Variants in SEPTIN10 observed in about 807,000 individuals in gnomAD.
SEPTIN10 encodes the protein septin 10.
A neutral mutation model predicts 54.8 loss-of-function variants in SEPTIN10; 66 were observed. The observed-to-expected ratio is 1.21, with a 90% CI of 0.99 to 1.48. The LOEUF (loss-of-function observed/expected upper bound fraction) is 1.48. Ranked by LOEUF, SEPTIN10 falls within the 40% of genes most tolerant of loss-of-function variation. SEPTIN10 has a pLI of 0.00. For missense variants in SEPTIN10, 620 were observed against 545.6 expected (o/e 1.14, Z -1.36); for synonymous variants, 161 against 181.0 (o/e 0.89, Z 0.89).
intron 8 of SEPTIN10, among the ~76,000 whole-genome samples, chr2:109,554,524 C>G (rs1260696534): frequency 2.0e-5 from 3 of 152,264 alleles, no homozygotes; most frequent in East Asian, 1.9e-4. Flanking sequence ...ACACCACCCC[C>G]ACCCAACTCA....
chr2:109,588,648 G>A (rs763525289), intron 2 of SEPTIN10, among the ~76,000 whole-genome samples: 24 of 151,888 alleles, frequency 1.6e-4, no homozygotes, highest in Non-Finnish European at 2.5e-4. Flanking sequence ...CGCCCACCAC[G>A]CCTGGCTAAT....
intron 6 of SEPTIN10, among the ~76,000 whole-genome samples, chr2:109,566,188 T>G (rs1163780121): frequency 2.0e-5 from 3 of 152,128 alleles, no homozygotes; most frequent in Non-Finnish European, 2.9e-5. Context: ...TGACACGATC[T>G]CATCTCACTG....
chr2:109,613,409 G>A (rs539414830), intron 1 of SEPTIN10: 4 of 324,776 alleles, frequency 1.2e-5, no homozygotes, highest in Non-Finnish European at 2.5e-5. Flanking sequence ...AGGGAGGCTC[G>A]GAAGTGCTCA....
At position 109,608,066 on chromosome 2, in the gene SEPTIN10, A is replaced by AT. The variant is rs759512539; in HGVS notation, c.30+5731_30+5732insA. ...CAGTGAGAACATTTCTCATCTATAC[A>AT]CATAGAATTAAACTTAGTCAACTAT... On this transcript the variant is annotated intron_variant, in intron 1 of 10. Transcript: ENST00000397712. Among the ~76,000 whole-genome samples, 1,068 of 152,364 alleles carry AT rather than the reference A, an allele frequency of 7.0e-3. 3 individuals are homozygous for AT. The highest frequency in any genetic ancestry group is 0.012 in the Non-Finnish European group (841 of 68,028).
Position 109,613,878 on chromosome 2 carries a change from G to C in SEPTIN10, c.-51C>G. The C allele has an allele frequency of 8.1e-7, 1 of 1,230,256 alleles. No individual in the cohort carries two copies. The highest frequency in any genetic ancestry group is 1.0e-6 in the Non-Finnish European group (1 of 987,348). The allele number at this position is 1,230,256 out of a possible 1,614,324, so 76.2% of individuals were successfully genotyped here. A position where few individuals can be genotyped will look rare whatever the true frequency, so the allele number is the denominator to read the frequency against. ...CGGCTGTATCAGCCCGGCCCCGAGCGGCTGGTCCCGGCGACGGCGGCGGGA... is the reference window on the plus strand; with the variant it reads ...CGGCTGTATCAGCCCGGCCCCGAGCCGCTGGTCCCGGCGACGGCGGCGGGA... On this transcript the variant is annotated 5_prime_UTR_variant, in exon 1 of 11. Coordinates refer to ENST00000397712, the MANE Select transcript of SEPTIN10 (RefSeq NM_144710.5).
rs536445803 is a variant in SEPTIN10, at chr2:109,551,354, T to C, written c.1161+1733A>G. ...AATAATGTTTTGAGTGGTATCTTTT[T>C]ATTAGTGAATTGGTAAAACTAAGAT... On this transcript the variant is annotated intron_variant, in intron 9 of 10. Transcript: ENST00000397712. Among the ~76,000 whole-genome samples the C allele has an allele frequency of 7.6e-4, 116 of 152,382 alleles. 1 individual carries two copies. The highest frequency in any genetic ancestry group is 2.7e-3 in the African/African-American group (113 of 41,598).
intron 2 of SEPTIN10, among the ~76,000 whole-genome samples, chr2:109,591,356 G>C (rs2105918518): frequency 6.6e-6 from 1 of 152,216 alleles, no homozygotes. Context: ...AAAAATGAGG[G>C]TGTGGTCCCC....
Position 109,553,169 on chromosome 2 carries a change from T to C in SEPTIN10, c.1079A>G (p.Gln360Arg). 1 of 1,614,184 alleles carries C rather than the reference T, an allele frequency of 6.2e-7. No individual in the cohort carries two copies. The highest frequency in any genetic ancestry group is 8.5e-7 in the Non-Finnish European group (1 of 1,180,026). Residue 360 changes from glutamine to arginine, a missense_variant, in exon 9 of 11, where the codon CAG (glutamine) becomes CGG (arginine). Physicochemically the swap from Gln to Arg is conservative, Grantham distance 43. Transcript: ENST00000397712. ...CTGTTTCATTTCTTCTTCCTTCCTC[T>C]GACGTTCACCATGGAACTCATGTCT... is the stretch of plus-strand genomic sequence containing the variant. ...AKRHEFHGERQRKEEEMKQMF... is the reference protein window; with the variant it reads ...AKRHEFHGERRRKEEEMKQMF...
chr2:109,544,301 C>A lies in SEPTIN10; in HGVS notation c.*8G>T. On this transcript the variant is annotated 3_prime_UTR_variant, in exon 11 of 11. Coordinates refer to ENST00000397712, the MANE Select transcript of SEPTIN10 (RefSeq NM_144710.5). Reference sequence around the variant, plus strand: ...GATGATGACCTTCTGTGCTCTGGAACTTCTGTTTTACAAAAAATTGGAGCT... The same window carrying A: ...GATGATGACCTTCTGTGCTCTGGAAATTCTGTTTTACAAAAAATTGGAGCT... The A allele has an allele frequency of 6.3e-7, 1 of 1,595,264 alleles. No individual in the cohort carries two copies. The highest frequency in any genetic ancestry group is 8.5e-7 in the Non-Finnish European group (1 of 1,174,984).
intron 1 of SEPTIN10, among the ~76,000 whole-genome samples, chr2:109,600,785 C>G (rs1160924470): frequency 6.6e-6 from 1 of 152,190 alleles, no homozygotes; most frequent in Non-Finnish European, 1.5e-5. Context: ...CATCGCCAGC[C>G]CCAGGTTATT....
At chr2:109,594,129 T>G (rs1694737119) in intron 1 of SEPTIN10, among the ~76,000 whole-genome samples, 1 of 152,188 alleles carries the variant, frequency 6.6e-6, no homozygotes, top group Non-Finnish European at 1.5e-5. Context: ...ATATTCACTG[T>G]TCGCAACAGT....
intron 6 of SEPTIN10, among the ~76,000 whole-genome samples, chr2:109,567,127 G>A (rs955546527): frequency 2.6e-5 from 4 of 152,068 alleles, no homozygotes; most frequent in Non-Finnish European, 5.9e-5. Context: ...ACTGTTAGGC[G>A]CTTAACAAAG....
chr2:109,604,392 G>GGAGGGGAGGGGAGGGGAGGA (rs1697431679), intron 1 of SEPTIN10, among the ~76,000 whole-genome samples: 1 of 128,798 alleles, frequency 7.8e-6, no homozygotes, highest in Non-Finnish European at 1.7e-5. Context: ...GAAGGGGAGG[G>GGAGGGGAGGGGAGGGGAGGA]GCGGGGCGGG....
chr2:109,574,834 T>C (rs1017883239), intron 4 of SEPTIN10, 67 bp from the exon 5 acceptor site: 19 of 1,201,804 alleles, frequency 1.6e-5, no homozygotes, highest in South Asian at 2.0e-5. Context: ...GTGCAACTCT[T>C]AGAAGTTTGA....
chr2:109,609,201 C>T lies in SEPTIN10; in HGVS notation c.30+4597G>A, dbSNP rs2106333766. Among the ~76,000 whole-genome samples, 2 of 152,244 alleles carry T rather than the reference C, an allele frequency of 1.3e-5. 1 individual carries two copies. The highest frequency in any genetic ancestry group is 4.8e-5 in the African/African-American group (2 of 41,528). On this transcript the variant is annotated intron_variant, in intron 1 of 10. Transcript: ENST00000397712. ...ATAAGTGTAGATGAACAAACAGCTC[C>T]TGGCTGCCTGCAAGCATTTATAATT...
At position 109,556,770 on chromosome 2, in the gene SEPTIN10, TAAA is replaced by T. The variant is rs200409314; in HGVS notation, c.1029-3554_1029-3552del. Among the ~76,000 whole-genome samples the T allele has an allele frequency of 7.9e-4, 121 of 152,246 alleles. 1 individual carries two copies. In the East Asian group the frequency reaches 0.012, roughly 15 times the overall value. ...ATAGTCTTTAAAGACAAGCTTGATG[TAAA>T]AATATCTTGAATTCAGACTGGATTA... is the stretch of plus-strand genomic sequence containing the variant. On this transcript the variant is annotated intron_variant, in intron 8 of 10. Coordinates refer to ENST00000397712, the MANE Select transcript of SEPTIN10 (RefSeq NM_144710.5).
At chr2:109,575,329 T>C (rs911263043) in intron 4 of SEPTIN10, among the ~76,000 whole-genome samples, 1 of 152,242 alleles carries the variant, frequency 6.6e-6, no homozygotes, top group Non-Finnish European at 1.5e-5. Flanking sequence ...TCAAAGTCCA[T>C]GACTCTTTGC....
Position 109,544,600 on chromosome 2 carries a change from T to C in SEPTIN10, c.1350-276A>G, listed in dbSNP as rs549947799. On this transcript the variant is annotated intron_variant, in intron 10 of 10. Coordinates refer to ENST00000397712, the MANE Select transcript of SEPTIN10 (RefSeq NM_144710.5). ...CAAGGTAAATGTAAATTATCTTTCA[T>C]ATAGGGGAAAAAATGGGAAATCTAA... 20 of 964,930 alleles carry C rather than the reference T, an allele frequency of 2.1e-5. No individual in the cohort carries two copies. The African/African-American group carries it at 3.0e-4, about 14-fold the overall frequency. The allele number at this position is 964,930 out of a possible 1,614,324, so 59.8% of individuals were successfully genotyped here.
rs200735743 is a variant in SEPTIN10, at chr2:109,565,798, A to G, written c.824T>C (p.Val275Ala). The change falls in exon 7 of 11, where the codon GTC (valine) becomes GCC (alanine). Residue 275 changes from valine (V) to alanine (A), a missense_variant. By Grantham distance (64) the Val-to-Ala change is moderately conservative. Coordinates refer to ENST00000397712, the MANE Select transcript of SEPTIN10 (RefSeq NM_144710.5). ...MDEVKVGNKM[V>A]KARQYPWGVV... is the part of the protein sequence containing the mutation. ...ACCCCAAGGGTACTGGCGAGCTTTG[A>G]CCATCTTGTTTCCGACTTTTACCTC... The G allele has an allele frequency of 9.0e-5, 145 of 1,614,094 alleles. 1 individual carries two copies. In the African/African-American group the frequency reaches 1.5e-3, roughly 17 times the overall value.
Sources: gnomAD v4.1 joint callset for allele counts (sites outside exome capture counted in the v4.1 genomes callset) on GRCh38, gnomAD v4.1.1 for gene constraint, MANE v1.5 for transcripts, NCBI Gene and HGNC (gene_info 2026-07-23, HGNC 2026-07-21) for gene names.